Variants in BTBD1 observed in about 807,000 individuals in gnomAD.
BTBD1 encodes the protein BTB domain containing 1.
Under a neutral mutation model 48.0 loss-of-function variants are expected in BTBD1, and 34 were observed. The observed-to-expected ratio is 0.71, with a 90% CI of 0.54 to 0.94. The LOEUF (loss-of-function observed/expected upper bound fraction) is 0.94, where lower values mean the gene tolerates loss of function less well. BTBD1 is among the 40% of genes least tolerant of loss of function. The pLI is 0.00. For synonymous variants in BTBD1, 261 were observed against 242.1 expected (o/e 1.08, Z -0.72); for missense variants, 543 against 625.6 (o/e 0.87, Z 1.41).
chr15:83,048,902 A>C (rs1166476254), intron 3 of BTBD1, among the ~76,000 whole-genome samples: 2 of 152,220 alleles, frequency 1.3e-5, no homozygotes, highest in Non-Finnish European at 2.9e-5. Flanking sequence ...TCAGTGAGTG[A>C]CAGTGGTCAT....
chr15:83,022,967 A>C (rs144084839), intron 5 of BTBD1, among the ~76,000 whole-genome samples: 45 of 152,286 alleles, frequency 3.0e-4, no homozygotes, highest in East Asian at 1.5e-3. Context: ...CTCAATCAAT[A>C]AATAAATAAT....
At chr15:83,035,485 T>C (rs866096150) in intron 4 of BTBD1, among the ~76,000 whole-genome samples, 1 of 150,186 alleles carries the variant, frequency 6.7e-6, no homozygotes, top group African/African-American at 2.5e-5. Context: ...TTATCTATAA[T>C]TTATGAGTCA....
chr15:83,030,101 C>T (rs774453501), intron 5 of BTBD1, 35 bp downstream of exon 5: 1 of 1,592,950 alleles, frequency 6.3e-7, no homozygotes, highest in Admixed American at 1.7e-5. Flanking sequence ...ACTGCTACCC[C>T]CACTCTACCC....
intron 1 of BTBD1, among the ~76,000 whole-genome samples, chr15:83,066,281 C>G (rs910380915): frequency 6.6e-6 from 1 of 152,102 alleles, no homozygotes; most frequent in African/African-American, 2.4e-5. Context: ...GCCTGGGCAA[C>G]AGAGCAAGAC....
At chr15:83,045,584 T>C (rs1403323867) in intron 3 of BTBD1, among the ~76,000 whole-genome samples, 1 of 152,106 alleles carries the variant, frequency 6.6e-6, no homozygotes, top group Non-Finnish European at 1.5e-5. Flanking sequence ...ATATCAAACA[T>C]AAGTAATATC....
At chr15:83,033,169 T>C (rs913204155) in intron 4 of BTBD1, among the ~76,000 whole-genome samples, 4 of 150,980 alleles carry the variant, frequency 2.6e-5, no homozygotes, top group African/African-American at 9.8e-5. Flanking sequence ...AAGCTGTGAA[T>C]AGCCACTGCA....
Position 83,053,559 on chromosome 15 carries a change from T to C in BTBD1, c.558+2830A>G, listed in dbSNP as rs893099136. ...ATTTTAATTGCCAAAGTTTAGTTTA[T>C]TGGTTTCTGAATTTATATCTCACCT... On this transcript the variant is annotated intron_variant, in intron 2 of 7. Transcript: ENST00000261721. Among the ~76,000 whole-genome samples, 4 of 152,344 alleles carry C rather than the reference T, an allele frequency of 2.6e-5. No homozygotes were observed. In the East Asian group the frequency reaches 7.7e-4, roughly 29 times the overall value.
At chr15:83,063,820 G>A (rs778194085) in intron 1 of BTBD1, among the ~76,000 whole-genome samples, 6 of 152,162 alleles carry the variant, frequency 3.9e-5, no homozygotes, top group Non-Finnish European at 5.9e-5. Context: ...ACTTAGTGCC[G>A]AAAACAATGC....
At chr15:83,056,621 G>A in intron 1 of BTBD1, 76 bp from the exon 2 acceptor site, 6 of 1,286,494 alleles carry the variant, frequency 4.7e-6, no homozygotes, top group Non-Finnish European at 6.6e-6. Context: ...TTAAATTTCT[G>A]AGGAGTATTT....
intron 3 of BTBD1, among the ~76,000 whole-genome samples, chr15:83,045,412 C>T (rs574625894): frequency 5.1e-4 from 77 of 152,204 alleles, no homozygotes; most frequent in African/African-American, 1.5e-3. Context: ...TCAGGAGAAT[C>T]GCTTGAACCC....
chr15:83,020,822 G>T, intron 5 of BTBD1, 60 bp from the exon 6 acceptor site: 1 of 1,111,576 alleles, frequency 9.0e-7, no homozygotes, highest in Non-Finnish European at 1.3e-6. Flanking sequence ...ATTCTGAAGG[G>T]TTATAATTTT....
intron 4 of BTBD1, among the ~76,000 whole-genome samples, chr15:83,032,470 G>T (rs546697794): frequency 1.3e-5 from 2 of 152,114 alleles, no homozygotes; most frequent in African/African-American, 2.4e-5. Flanking sequence ...AAAATATGGA[G>T]CCAACCTAAA....
intron 6 of BTBD1, among the ~76,000 whole-genome samples, chr15:83,019,315 GC>G (rs1436087966): frequency 6.6e-6 from 1 of 151,926 alleles, no homozygotes; most frequent in African/African-American, 2.4e-5. Context: ...GCCCACCTCA[GC>G]CTCCCAAAGT....
chr15:83,065,579 A>T (rs991708684), intron 1 of BTBD1, among the ~76,000 whole-genome samples: 10 of 152,212 alleles, frequency 6.6e-5, no homozygotes, highest in Non-Finnish European at 1.2e-4. Context: ...GTACTACCCA[A>T]GACTCTGCCA....
At chr15:83,025,595 A>G (rs1477553999) in intron 5 of BTBD1, among the ~76,000 whole-genome samples, 2 of 152,102 alleles carry the variant, frequency 1.3e-5, no homozygotes, top group Non-Finnish European at 2.9e-5. Flanking sequence ...GAATGGGATT[A>G]TTCACAATAC....
At chr15:83,023,993 C>G (rs533810265) in intron 5 of BTBD1, 2 of 152,304 alleles carry the variant, frequency 1.3e-5, no homozygotes, top group Admixed American at 1.3e-4. Flanking sequence ...TCAGCCCCCA[C>G]AAGTAGCTGG....
In BTBD1 at chr15:83,016,432, T is replaced by C. The variant is rs1187093787; in HGVS notation, c.*1635A>G. Reference sequence around the variant, plus strand: ...AAATGACATAAAAGAGTTTTTTTTATATATATATATATTTATTTATTTTTA... The same window carrying C: ...AAATGACATAAAAGAGTTTTTTTTACATATATATATATTTATTTATTTTTA... On this transcript the variant is annotated 3_prime_UTR_variant, in exon 8 of 8. Transcript: ENST00000261721. The C allele has an allele frequency of 6.6e-6, 1 of 150,810 alleles. No homozygotes were observed. Among genetic ancestry groups the C allele is most frequent in the East Asian group, 1.9e-4 (1 of 5,190 alleles). 9.3% of individuals were successfully genotyped at this position (150,810 alleles called of 1,614,324 possible). A position where few individuals can be genotyped will look rare whatever the true frequency, so the allele number is the denominator to read the frequency against.
intron 3 of BTBD1, among the ~76,000 whole-genome samples, chr15:83,047,401 C>T (rs1045510493): frequency 2.6e-5 from 4 of 151,984 alleles, no homozygotes; most frequent in African/African-American, 9.7e-5. Context: ...TCCTGGCCAG[C>T]GCATATGGGA....
chr15:83,026,200 A>G (rs975999914), intron 5 of BTBD1, among the ~76,000 whole-genome samples: 2 of 152,140 alleles, frequency 1.3e-5, no homozygotes, highest in Non-Finnish European at 2.9e-5. Context: ...TTTTAAATAT[A>G]CTTTTTATAA....
Sources: gnomAD v4.1 joint callset for allele counts (sites outside exome capture counted in the v4.1 genomes callset) on GRCh38, gnomAD v4.1.1 for gene constraint, MANE v1.5 for transcripts, NCBI Gene and HGNC (gene_info 2026-07-23, HGNC 2026-07-21) for gene names.